Variants in RORA observed in about 807,000 individuals in gnomAD.
The protein encoded by RORA is RAR related orphan receptor A.
RORA carries 7 observed loss-of-function variants against 69.5 expected under a neutral mutation model. That is an observed-to-expected ratio of 0.10 (90% CI 0.06 to 0.19). RORA has a LOEUF of 0.19. RORA is among the 10% of genes least tolerant of loss of function. The probability of loss-of-function intolerance (pLI) is 1.00; values close to 1 mark genes in which losing one functional copy is unlikely to be tolerated. For synonymous variants in RORA, 261 were observed against 240.8 expected (o/e 1.08, Z -0.78); for missense variants, 457 against 663.0 (o/e 0.69, Z 3.41).
At position 61,002,875 on chromosome 15, in the gene RORA, T is replaced by C. The variant is rs938576652; in HGVS notation, c.166+226178A>G. On this transcript the variant is annotated intron_variant, in intron 1 of 10. Coordinates refer to ENST00000335670, the MANE Select transcript of RORA (RefSeq NM_134261.3). ...GGCCGGGCATGGTGGCTCACGCCTG[T>C]AATCCCAGCACTTTGGGAAGAAGAG... 5.3e-5 allele frequency among the ~76,000 whole-genome samples: 8 copies of C among 150,794 alleles called. No individual in the cohort carries two copies. In the East Asian group the frequency reaches 1.4e-3, roughly 26 times the overall value.
intron 1 of RORA, among the ~76,000 whole-genome samples, chr15:60,941,631 AT>A (rs1892699893): frequency 6.6e-6 from 1 of 152,160 alleles, no homozygotes; most frequent in Admixed American, 6.5e-5. Flanking sequence ...AGTGTACTTT[AT>A]TTTTAGTTCC....
At position 60,663,361 on chromosome 15, in the gene RORA, T is replaced by A. The variant is rs1017549489; in HGVS notation, c.196+15296A>T. ...TTCTTCAATGTGAGATAGACCCAAC[T>A]TAGCCTTTATGCCAAGAGGGTTAGT... On this transcript the variant is annotated intron_variant, in intron 2 of 10. Coordinates refer to ENST00000335670, the MANE Select transcript of RORA (RefSeq NM_134261.3). Among the ~76,000 whole-genome samples, 37 of 152,224 alleles carry A rather than the reference T, an allele frequency of 2.4e-4. 1 individual carries two copies. Among genetic ancestry groups the A allele is most frequent in the Admixed American group, 2.3e-3 (35 of 15,282 alleles).
chr15:60,753,313 G>A (rs1184033870), intron 1 of RORA, among the ~76,000 whole-genome samples: 1 of 152,222 alleles, frequency 6.6e-6, no homozygotes, highest in Non-Finnish European at 1.5e-5. Context: ...TACAGGGTGG[G>A]TGTTCACCCA....
At chr15:60,850,621 G>T (rs1257581576) in intron 1 of RORA, among the ~76,000 whole-genome samples, 1 of 152,182 alleles carries the variant, frequency 6.6e-6, no homozygotes, top group South Asian at 2.1e-4. Context: ...CATTGATGGT[G>T]ATGATCATGT....
chr15:60,801,279 C>T lies in RORA; in HGVS notation c.167-122593G>A, dbSNP rs117962852. Among the ~76,000 whole-genome samples the T allele has an allele frequency of 7.9e-3, 1,198 of 152,300 alleles. 10 individuals carry two copies. Among genetic ancestry groups the T allele is most frequent in the Non-Finnish European group, 0.011 (718 of 68,020 alleles). ...AAGTAGTGGCCTCCCCCTCCCCCCT[C>T]CTTCGACAGCTTTATCCCAGGTTTC... On this transcript the variant is annotated intron_variant, in intron 1 of 10. Transcript: ENST00000335670.
chr15:60,524,252 T>C (rs770654336), intron 3 of RORA, among the ~76,000 whole-genome samples: 2 of 152,190 alleles, frequency 1.3e-5, no homozygotes, highest in Non-Finnish European at 2.9e-5. Context: ...AACCTTCCAA[T>C]TGGGACCCCT....
chr15:60,557,829 A>G (rs754805541), intron 2 of RORA, among the ~76,000 whole-genome samples: 2 of 152,230 alleles, frequency 1.3e-5, no homozygotes, highest in African/African-American at 2.4e-5. Flanking sequence ...GAATATCCAA[A>G]TAACTGGAGT....
intron 1 of RORA, among the ~76,000 whole-genome samples, chr15:60,766,882 C>T (rs1310675907): frequency 6.6e-6 from 1 of 152,138 alleles, no homozygotes; most frequent in East Asian, 1.9e-4. Flanking sequence ...AACCATGAAG[C>T]ATCTGCCATG....
At chr15:61,199,885 T>C (rs983165947) in intron 1 of RORA, among the ~76,000 whole-genome samples, 1 of 152,154 alleles carries the variant, frequency 6.6e-6, no homozygotes, top group Non-Finnish European at 1.5e-5. Flanking sequence ...GAACGAGCTG[T>C]GCCGTGCTGT....
intron 2 of RORA, among the ~76,000 whole-genome samples, chr15:60,532,797 T>C (rs566238878): frequency 6.6e-6 from 1 of 152,362 alleles, no homozygotes; most frequent in East Asian, 1.9e-4. Context: ...CCAGTTTACC[T>C]GGAATGTGTC....
intron 1 of RORA, among the ~76,000 whole-genome samples, chr15:60,950,772 C>A (rs1595840900): frequency 9.3e-6 from 1 of 107,422 alleles, no homozygotes; most frequent in Non-Finnish European, 1.9e-5. Context: ...AATACAGGAG[C>A]ACCCAGATTC....
At chr15:60,799,376 T>C (rs905058009) in intron 1 of RORA, among the ~76,000 whole-genome samples, 1 of 152,128 alleles carries the variant, frequency 6.6e-6, no homozygotes, top group Non-Finnish European at 1.5e-5. Context: ...AATTAGACTT[T>C]GTAAGCAGTT....
At chr15:61,014,722 GA>G (rs1020113177) in intron 1 of RORA, among the ~76,000 whole-genome samples, 15 of 151,926 alleles carry the variant, frequency 9.9e-5, no homozygotes, top group Admixed American at 7.2e-4. Context: ...TAAGCCTTAA[GA>G]AAAAAAATAC....
At chr15:60,567,777 G>A (rs886493416) in intron 2 of RORA, among the ~76,000 whole-genome samples, 1 of 151,986 alleles carries the variant, frequency 6.6e-6, no homozygotes, top group Non-Finnish European at 1.5e-5. Context: ...GATTATCTCC[G>A]GCTTCTTTTG....
Position 60,658,391 on chromosome 15 carries a change from T to C in RORA, c.196+20266A>G, listed in dbSNP as rs143918788. 1.2e-4 allele frequency among the ~76,000 whole-genome samples: 19 copies of C among 152,288 alleles called. No homozygotes were observed. The East Asian group carries it at 3.5e-3, about 28-fold the overall frequency. ...CTTATCCTTGGTGCTTTCCATATAG[T>C]AGGAGGTCAGGGAGATCAAGGGGAT... is the stretch of plus-strand genomic sequence containing the variant. On this transcript the variant is annotated intron_variant, in intron 2 of 10. Transcript: ENST00000335670.
intron 1 of RORA, among the ~76,000 whole-genome samples, chr15:60,926,462 C>A (rs1035010828): frequency 1.3e-5 from 2 of 152,234 alleles, no homozygotes; most frequent in Non-Finnish European, 2.9e-5. Flanking sequence ...TCTTGCTCAA[C>A]CCCAACCTTG....
intron 1 of RORA, among the ~76,000 whole-genome samples, chr15:61,099,052 G>C (rs2140742547): frequency 6.6e-6 from 1 of 152,292 alleles, no homozygotes; most frequent in East Asian, 1.9e-4. Flanking sequence ...ACCAAGAAAT[G>C]GGGCCAATCT....
intron 3 of RORA, among the ~76,000 whole-genome samples, chr15:60,516,255 A>T (rs1455959821): frequency 1.1e-5 from 1 of 89,472 alleles, no homozygotes; most frequent in Middle Eastern, 4.2e-3. Flanking sequence ...ATATTTATAT[A>T]TATATATTTA....
At chr15:61,058,914 G>C (rs911232244) in intron 1 of RORA, among the ~76,000 whole-genome samples, 4 of 152,208 alleles carry the variant, frequency 2.6e-5, no homozygotes, top group African/African-American at 7.2e-5. Flanking sequence ...TTTCATTTTG[G>C]AGGAAGATGA....
Sources: allele counts gnomAD v4.1 joint callset (sites outside exome capture counted in the v4.1 genomes callset), GRCh38; gene constraint gnomAD v4.1.1; transcripts MANE v1.5; gene names NCBI Gene and HGNC (gene_info 2026-07-23, HGNC 2026-07-21).